Variants in TOPBP1 observed in about 807,000 individuals in gnomAD.
The protein encoded by TOPBP1 is DNA topoisomerase II binding protein 1, also known as DNA topoisomerase 2-binding protein 1.
In TOPBP1, 28 loss-of-function variants were observed where a neutral mutation model predicts 167.7. The ratio of observed to expected loss-of-function variants is 0.17; its 90% confidence interval spans 0.12 to 0.23. TOPBP1 has a LOEUF of 0.23. Among genes scored for constraint, TOPBP1 ranks in the 10% least tolerant of loss-of-function variants. The pLI is 1.00. For synonymous variants in TOPBP1, 598 were observed against 611.4 expected (o/e 0.98, Z 0.32); for missense variants, 1,554 against 1,809.6 (o/e 0.86, Z 2.56).
At chr3:133,628,102 ATAGT>A (rs1935326437) in intron 16 of TOPBP1, 4 of 396,632 alleles carry the variant, frequency 1.0e-5, no homozygotes, top group Non-Finnish European at 1.4e-5. Flanking sequence ...GGTTTCTAGA[ATAGT>A]TAGTGGCATA....
chr3:133,654,297 G>C (rs1046360483), intron 6 of TOPBP1, among the ~76,000 whole-genome samples: 1 of 152,184 alleles, frequency 6.6e-6, no homozygotes. Context: ...GTCCAGGATA[G>C]ATAAGCCAAA....
At chr3:133,630,306 T>A (rs959866716) in intron 14 of TOPBP1, among the ~76,000 whole-genome samples, 1 of 151,884 alleles carries the variant, frequency 6.6e-6, no homozygotes, top group Non-Finnish European at 1.5e-5. Context: ...TGGAGCTTTT[T>A]TTTTTTTTCA....
At chr3:133,661,015 C>T (rs565297240) in intron 2 of TOPBP1, 29 bp downstream of exon 2, 1 of 1,484,890 alleles carries the variant, frequency 6.7e-7, no homozygotes, top group Admixed American at 2.5e-5. Context: ...AAAATGAATT[C>T]ACGGTATTAA....
At chr3:133,619,564 C>T (rs1935016334) in intron 20 of TOPBP1, among the ~76,000 whole-genome samples, 1 of 152,026 alleles carries the variant, frequency 6.6e-6, no homozygotes, top group African/African-American at 2.4e-5. Flanking sequence ...AAGGAGAATA[C>T]AAAATGCATG....
chr3:133,652,694 G>A (rs1693960657), intron 7 of TOPBP1, 65 bp from the exon 8 acceptor site: 1 of 1,348,182 alleles, frequency 7.4e-7, no homozygotes, highest in Admixed American at 2.4e-5. Flanking sequence ...TATTGTCTAT[G>A]GATTAACTTT....
At chr3:133,652,323 A>C in intron 8 of TOPBP1, 140 bp downstream of exon 8, 1 of 785,030 alleles carries the variant, frequency 1.3e-6, no homozygotes, top group South Asian at 1.7e-5. Flanking sequence ...GACATGGTCT[A>C]GTAAGTGCAT....
intron 11 of TOPBP1, 144 bp downstream of exon 11, chr3:133,643,876 A>T (rs149593182): frequency 1.2e-6 from 1 of 815,264 alleles, no homozygotes; most frequent in Non-Finnish European, 1.9e-6. Flanking sequence ...TTAATTTTGA[A>T]TTTCCCTTGC....
At chr3:133,633,669 G>C (rs1327031299) in intron 14 of TOPBP1, among the ~76,000 whole-genome samples, 1 of 152,152 alleles carries the variant, frequency 6.6e-6, no homozygotes, top group Non-Finnish European at 1.5e-5. Context: ...ACATGCACCT[G>C]AAGTCCTAGT....
Position 133,652,646 on chromosome 3 carries a change from C to A in TOPBP1, c.923-17G>T. On this transcript the variant is annotated splice_polypyrimidine_tract_variant and intron_variant, in intron 7 of 27. Transcript: ENST00000260810. Reference sequence around the variant, plus strand: ...GAGTACGACCTACATATTTTGAAAACGTATAAATTTATGGGAGATAAAATA... The same window carrying A: ...GAGTACGACCTACATATTTTGAAAAAGTATAAATTTATGGGAGATAAAATA... The A allele has an allele frequency of 1.9e-6, 3 of 1,575,488 alleles. No homozygotes were observed.
intron 27 of TOPBP1, among the ~76,000 whole-genome samples, chr3:133,603,633 G>A (rs185573239): frequency 2.0e-5 from 3 of 152,256 alleles, no homozygotes; most frequent in South Asian, 4.1e-4. Flanking sequence ...GGATCAATAT[G>A]TGAAAATCAA....
intron 10 of TOPBP1, among the ~76,000 whole-genome samples, chr3:133,646,112 A>G (rs1314089652): frequency 1.3e-5 from 2 of 151,852 alleles, no homozygotes; most frequent in Non-Finnish European, 2.9e-5. Context: ...ACGCCACTGC[A>G]CTCCAGCCTG....
At chr3:133,633,727 G>A (rs1935570823) in intron 14 of TOPBP1, among the ~76,000 whole-genome samples, 1 of 152,150 alleles carries the variant, frequency 6.6e-6, no homozygotes, top group African/African-American at 2.4e-5. Context: ...AGAGGTCAAG[G>A]CTATAATGGG....
chr3:133,621,215 G>T (rs1224425412), intron 19 of TOPBP1, among the ~76,000 whole-genome samples: 1 of 151,976 alleles, frequency 6.6e-6, no homozygotes, highest in African/African-American at 2.4e-5. Flanking sequence ...GTCTCACTAT[G>T]TTGCCCAGGC....
intron 27 of TOPBP1, among the ~76,000 whole-genome samples, chr3:133,608,029 T>C (rs1433880886): frequency 6.6e-6 from 1 of 152,224 alleles, no homozygotes; most frequent in Non-Finnish European, 1.5e-5. Flanking sequence ...TGACTCCTGA[T>C]GGCCTTTTGG....
chr3:133,626,235 T>C (rs1215254333), intron 16 of TOPBP1, among the ~76,000 whole-genome samples: 1 of 152,214 alleles, frequency 6.6e-6, no homozygotes, highest in East Asian at 1.9e-4. Flanking sequence ...CAAAAACAGA[T>C]GAACCAGCCC....
At chr3:133,627,685 G>A (rs541732901) in intron 16 of TOPBP1, among the ~76,000 whole-genome samples, 1 of 152,228 alleles carries the variant, frequency 6.6e-6, no homozygotes, top group Non-Finnish European at 1.5e-5. Context: ...ATCTATGAAT[G>A]GCTGAACACA....
chr3:133,616,560 T>C (rs569368442), intron 23 of TOPBP1, among the ~76,000 whole-genome samples: 5 of 152,354 alleles, frequency 3.3e-5, no homozygotes, highest in African/African-American at 1.2e-4. Flanking sequence ...AGTGAATGAA[T>C]AGTCAAACAG....
At position 133,652,418 on chromosome 3, in the gene TOPBP1, C is replaced by G; in HGVS notation, c.1089+45G>C. The G allele has an allele frequency of 1.9e-6, 3 of 1,597,398 alleles. 1 individual carries two copies. In the South Asian group the frequency reaches 3.4e-5, roughly 18 times the overall value. On this transcript the variant is annotated intron_variant, in intron 8 of 27. Coordinates refer to ENST00000260810, the MANE Select transcript of TOPBP1 (RefSeq NM_007027.4). Reference sequence around the variant, plus strand: ...GTCTTCAAAGTCAGGCTAGGAAATGCTAATGTATATCATCTACTGCATGTA... The same window carrying G: ...GTCTTCAAAGTCAGGCTAGGAAATGGTAATGTATATCATCTACTGCATGTA...
Position 133,608,973 on chromosome 3 carries a change from AAAAC to A in TOPBP1, c.4174-15_4174-12del. 2 of 1,598,846 alleles carry A rather than the reference AAAAC, an allele frequency of 1.3e-6. No individual in the cohort carries two copies. The highest frequency in any genetic ancestry group is 2.7e-5 in the African/African-American group (2 of 74,268). ...CCCACTAAATGCTCCCTACAAATAA[AAAAC>A]AATCAGTGGTGAAATCATTTGGAAA... On this transcript the variant is annotated splice_polypyrimidine_tract_variant and intron_variant, in intron 25 of 27. Coordinates refer to ENST00000260810, the MANE Select transcript of TOPBP1 (RefSeq NM_007027.4).
Sources: gnomAD v4.1 joint callset for allele counts (sites outside exome capture counted in the v4.1 genomes callset) on GRCh38, gnomAD v4.1.1 for gene constraint, MANE v1.5 for transcripts, NCBI Gene and HGNC (gene_info 2026-07-23, HGNC 2026-07-21) for gene names.